The following GPHN variants were observed in gnomAD, a reference collection of about 807,000 sequenced individuals.
GPHN encodes the protein gephyrin.
GPHN carries 17 observed loss-of-function variants against 95.5 expected under a neutral mutation model. That is an observed-to-expected ratio of 0.18 (90% CI 0.12 to 0.27). GPHN has a LOEUF of 0.27. Ranked by LOEUF, GPHN falls within the 10% of genes least tolerant of loss-of-function variation. The probability of loss-of-function intolerance (pLI) is 1.00; values close to 1 mark genes in which losing one functional copy is unlikely to be tolerated. For synonymous variants in GPHN, 320 were observed against 322.5 expected (o/e 0.99, Z 0.08); for missense variants, 660 against 978.1 (o/e 0.67, Z 4.34).
At chr14:67,258,612 A>G in the GPHN span, among the ~76,000 whole-genome samples, 1 of 152,022 alleles carries the variant, frequency 6.6e-6, no homozygotes, top group Non-Finnish European at 1.5e-5. Context: ...TGTAGAAATG[A>G]GGTTTCACTA....
chr14:66,924,338 C>T (rs1478046383), intron 8 of GPHN, 46 bp downstream of exon 8: 1 of 988,326 alleles, frequency 1.0e-6, no homozygotes, highest in South Asian at 1.3e-5. Context: ...AATATGTATT[C>T]TACTTCCTCT....
chr14:67,213,072 G>C, the GPHN span, among the ~76,000 whole-genome samples: 17 of 150,392 alleles, frequency 1.1e-4, no homozygotes, highest in South Asian at 3.6e-3. Flanking sequence ...TAAGCTTGGG[G>C]ATGGGGCATA....
At chr14:67,238,991 T>A in the GPHN span, among the ~76,000 whole-genome samples, 1 of 152,188 alleles carries the variant, frequency 6.6e-6, no homozygotes, top group African/African-American at 2.4e-5. Context: ...AATGCCCTTC[T>A]GAATTGTTAT....
intron 9 of GPHN, among the ~76,000 whole-genome samples, chr14:66,987,174 A>C (rs887182873): frequency 8.5e-5 from 13 of 152,144 alleles, no homozygotes; most frequent in African/African-American, 2.9e-4. Context: ...AGCATTCCTC[A>C]CTGTCTATCT....
At chr14:67,143,568 C>T in intron 18 of GPHN, 119 bp downstream of exon 18, 1 of 761,184 alleles carries the variant, frequency 1.3e-6, no homozygotes, top group Non-Finnish European at 2.4e-6. Context: ...GCTGAAAATC[C>T]ATGGGGCTTC....
the GPHN span, among the ~76,000 whole-genome samples, chr14:67,343,693 TG>T: frequency 2.0e-5 from 3 of 152,270 alleles, no homozygotes; most frequent in Admixed American, 2.0e-4. Context: ...AATGAGACCT[TG>T]CCTCTACAAG....
chr14:67,290,880 G>A, the GPHN span, among the ~76,000 whole-genome samples: 37 of 152,214 alleles, frequency 2.4e-4, 1 homozygote, highest in South Asian at 7.7e-3. Flanking sequence ...TGGTTATTTG[G>A]AGGAAAAATA....
At chr14:66,597,070 A>C (rs2140773245) in intron 1 of GPHN, among the ~76,000 whole-genome samples, 1 of 152,300 alleles carries the variant, frequency 6.6e-6, no homozygotes, top group Admixed American at 6.5e-5. Flanking sequence ...TATGGGGAAA[A>C]TGGCAGTTAT....
At chr14:67,412,197 G>C in the GPHN span, 2 of 628,636 alleles carry the variant, frequency 3.2e-6, no homozygotes, top group Non-Finnish European at 2.4e-6. Flanking sequence ...CGCCTCCCTG[G>C]CGCGTGTCCA....
chr14:67,123,436 A>G (rs1217090447), intron 17 of GPHN, among the ~76,000 whole-genome samples: 2 of 152,192 alleles, frequency 1.3e-5, no homozygotes, highest in African/African-American at 4.8e-5. Context: ...GCACTTTGGA[A>G]GGCCAAGGCG....
chr14:67,036,501 G>GCACACACACACACACACACACACACACA (rs762967467), intron 10 of GPHN, among the ~76,000 whole-genome samples: 127 of 118,170 alleles, frequency 1.1e-3, no homozygotes, highest in African/African-American at 2.2e-3. Context: ...ATACATACAT[G>GCACACACACACACACACACACACACACA]CACACACACA....
chr14:67,381,896 C>T, the GPHN span, among the ~76,000 whole-genome samples: 1 of 152,004 alleles, frequency 6.6e-6, no homozygotes, highest in Non-Finnish European at 1.5e-5. Context: ...GTTACTATCA[C>T]AGTGGATGGA....
the GPHN span, among the ~76,000 whole-genome samples, chr14:67,633,689 G>T: frequency 8.5e-5 from 13 of 152,148 alleles, no homozygotes; most frequent in Non-Finnish European, 1.2e-4. Context: ...TAGAAACCAC[G>T]GTTGTTCCCC....
chr14:67,390,820 T>C, the GPHN span: 6 of 1,056,474 alleles, frequency 5.7e-6, no homozygotes, highest in African/African-American at 1.6e-5. Context: ...ATGCATGTAA[T>C]GCCAAACCCC....
chr14:67,350,911 G>A, the GPHN span, among the ~76,000 whole-genome samples: 1 of 152,168 alleles, frequency 6.6e-6, no homozygotes, highest in African/African-American at 2.4e-5. Flanking sequence ...CAGAATAAAT[G>A]CATTGAGAAA....
the GPHN span, chr14:67,593,633 CT>C: frequency 1.6e-6 from 1 of 643,724 alleles, no homozygotes; most frequent in African/African-American, 1.8e-5. Flanking sequence ...AGAGATTTAC[CT>C]TTTAAATATA....
intron 11 of GPHN, among the ~76,000 whole-genome samples, chr14:67,069,418 T>C (rs765981392): frequency 4.6e-5 from 7 of 152,062 alleles, no homozygotes; most frequent in Non-Finnish European, 8.8e-5. Context: ...GGGAAGCCAA[T>C]CTCAGCTTAA....
intron 4 of GPHN, among the ~76,000 whole-genome samples, chr14:66,828,593 T>A (rs924681030): frequency 6.6e-6 from 1 of 152,148 alleles, no homozygotes; most frequent in Non-Finnish European, 1.5e-5. Flanking sequence ...TTATAGTCGA[T>A]GATTGTCAGT....
At chr14:67,376,685 A>T in the GPHN span, 1 of 1,347,708 alleles carries the variant, frequency 7.4e-7, no homozygotes, top group South Asian at 1.4e-5. Context: ...ATACTTGCCA[A>T]ATTTAGATTA....
Sources: gnomAD v4.1 joint callset for allele counts (sites outside exome capture counted in the v4.1 genomes callset) on GRCh38, gnomAD v4.1.1 for gene constraint, MANE v1.5 for transcripts, NCBI Gene and HGNC (gene_info 2026-07-23, HGNC 2026-07-21) for gene names.